Variants in TACR3 observed in about 807,000 individuals in gnomAD.
TACR3 encodes neuromedin-K receptor.
In TACR3, 34 loss-of-function variants were observed where a neutral mutation model predicts 35.0. That is an observed-to-expected ratio of 0.97 (90% CI 0.74 to 1.30). TACR3 has a LOEUF of 1.30. Ranked by LOEUF, TACR3 falls within the 50% of genes most tolerant of loss-of-function variation. The probability of loss-of-function intolerance (pLI) is 0.00; values close to 1 mark genes in which losing one functional copy is unlikely to be tolerated. For missense variants in TACR3, 558 were observed against 591.7 expected (o/e 0.94, Z 0.59); for synonymous variants, 233 against 221.1 (o/e 1.05, Z -0.48).
In TACR3 at chr4:103,656,260, G is replaced by A. The variant is rs1725731937; in HGVS notation, c.822C>T (p.Leu274=). ...TATCTCCTGGGATTTCTCCTCCCCAGAGAGTAATTCCAACAATGGTGTATG... is the reference window on the plus strand; with the variant it reads ...TATCTCCTGGGATTTCTCCTCCCCAAAGAGTAATTCCAACAATGGTGTATG... ...GITYTIVGIT[L]WGGEIPGDTC... Residue 274 remains leucine (L), a synonymous_variant, in exon 3 of 5, where the codon CTC becomes CTT. Transcript: ENST00000304883. The A allele has an allele frequency of 1.2e-6, 2 of 1,613,012 alleles. No homozygotes were observed. Among genetic ancestry groups the A allele is most frequent in the Admixed American group, 1.7e-5 (1 of 59,912 alleles).
At chr4:103,694,996 A>G (rs1340001453) in intron 1 of TACR3, among the ~76,000 whole-genome samples, 1 of 152,050 alleles carries the variant, frequency 6.6e-6, no homozygotes, top group East Asian at 1.9e-4. Context: ...TTCCTATCTC[A>G]TTGGACAATT....
chr4:103,703,584 G>A (rs1722714278), intron 1 of TACR3, among the ~76,000 whole-genome samples: 2 of 152,122 alleles, frequency 1.3e-5, no homozygotes, highest in African/African-American at 4.8e-5. Context: ...ATCTGACTGT[G>A]TCTAATGAAG....
chr4:103,596,899 G>C (rs1441572355), intron 3 of TACR3, among the ~76,000 whole-genome samples: 1 of 151,732 alleles, frequency 6.6e-6, no homozygotes, highest in Non-Finnish European at 1.5e-5. Flanking sequence ...ATGGTTTCCA[G>C]CTTCATCCAT....
At chr4:103,617,085 C>T (rs1724676280) in intron 3 of TACR3, among the ~76,000 whole-genome samples, 1 of 152,258 alleles carries the variant, frequency 6.6e-6, no homozygotes, top group African/African-American at 2.4e-5. Flanking sequence ...TCTTAATATG[C>T]TACTTCACAA....
intron 3 of TACR3, among the ~76,000 whole-genome samples, chr4:103,638,685 T>C (rs1321058567): frequency 6.6e-6 from 1 of 152,156 alleles, no homozygotes; most frequent in Non-Finnish European, 1.5e-5. Flanking sequence ...TTTTGCAACC[T>C]ACTTATCTGA....
chr4:103,719,538 G>C lies in TACR3; in HGVS notation c.138C>G (p.Asp46Glu). Reference protein sequence around the residue: ...AVETGWLQLLDQAGNLSSSPS... With the variant: ...AVETGWLQLLEQAGNLSSSPS... The stretch of plus-strand genomic sequence containing the variant: ...GGGAGGAGGAGAGGTTGCCAGCTTG[G>C]TCCAGCAGTTGCAGCCACCCAGTCT... Residue 46 changes from aspartate to glutamate, a missense_variant, in exon 1 of 5, where the codon GAC becomes GAG. By Grantham distance (45) the Asp-to-Glu change is conservative. Transcript: ENST00000304883. 1 of 1,608,350 alleles carries C rather than the reference G, an allele frequency of 6.2e-7. No individual in the cohort carries two copies. Among genetic ancestry groups the C allele is most frequent in the Non-Finnish European group, 8.5e-7 (1 of 1,175,712 alleles).
chr4:103,645,557 C>G (rs181433346), intron 3 of TACR3, among the ~76,000 whole-genome samples: 29 of 152,026 alleles, frequency 1.9e-4, no homozygotes, highest in Middle Eastern at 3.4e-3. Flanking sequence ...CTGATTTTAT[C>G]TTTAATGTAA....
At chr4:103,617,596 A>G (rs926683795) in intron 3 of TACR3, among the ~76,000 whole-genome samples, 3 of 152,150 alleles carry the variant, frequency 2.0e-5, no homozygotes, top group African/African-American at 4.8e-5. Flanking sequence ...CTTTTTAGCA[A>G]CTCATAAACA....
chr4:103,629,861 C>CAAAAAAAAAAA (rs373706568), intron 3 of TACR3, among the ~76,000 whole-genome samples: 1 of 98,520 alleles, frequency 1.0e-5, no homozygotes, highest in Non-Finnish European at 2.1e-5. Context: ...AAAAAAAAAA[C>CAAAAAAAAAAA]AAAAAAAAAA....
At chr4:103,596,478 G>T (rs1724018723) in intron 3 of TACR3, among the ~76,000 whole-genome samples, 1 of 151,860 alleles carries the variant, frequency 6.6e-6, no homozygotes, top group Non-Finnish European at 1.5e-5. Context: ...TTGTGGTTTT[G>T]GTTTGCATTT....
intron 1 of TACR3, among the ~76,000 whole-genome samples, chr4:103,686,406 A>T (rs150704292): frequency 4.1e-4 from 63 of 152,304 alleles, no homozygotes; most frequent in Non-Finnish European, 7.4e-4. Flanking sequence ...AACCTTTAGA[A>T]ACCAGTCTTA....
At chr4:103,592,555 T>C (rs570738772) in intron 3 of TACR3, among the ~76,000 whole-genome samples, 1 of 152,274 alleles carries the variant, frequency 6.6e-6, no homozygotes, top group African/African-American at 2.4e-5. Flanking sequence ...TAAATATATA[T>C]AGGATGAATG....
intron 3 of TACR3, among the ~76,000 whole-genome samples, chr4:103,618,642 G>T (rs1308621380): frequency 7.2e-6 from 1 of 139,384 alleles, no homozygotes; most frequent in Non-Finnish European, 1.5e-5. Flanking sequence ...GGAATGACAG[G>T]TAGTTTGATA....
intron 1 of TACR3, among the ~76,000 whole-genome samples, chr4:103,710,835 G>A (rs111616741): frequency 0.054 from 8,235 of 151,406 alleles, 608 homozygotes; most frequent in African/African-American, 0.16. Flanking sequence ...ACGGAAATAC[G>A]AACTACCATC....
At chr4:103,660,625 T>C (rs1014629105) in intron 1 of TACR3, among the ~76,000 whole-genome samples, 8 of 152,004 alleles carry the variant, frequency 5.3e-5, no homozygotes, top group Non-Finnish European at 1.0e-4. Flanking sequence ...TGTGGCGATA[T>C]CATGTTTTTC....
Position 103,587,236 on chromosome 4 carries a change from ATCTTC to A in TACR3, c.*2441_*2445del, listed in dbSNP as rs1212764280. The A allele has an allele frequency of 6.6e-6, 1 of 151,452 alleles. No homozygotes were observed. The highest frequency in any genetic ancestry group is 1.5e-5 in the Non-Finnish European group (1 of 67,986). 9.4% of individuals were successfully genotyped at this position (151,452 alleles called of 1,614,324 possible). A position where few individuals can be genotyped will look rare whatever the true frequency, so the allele number is the denominator to read the frequency against. On this transcript the variant is annotated 3_prime_UTR_variant, in exon 5 of 5. Transcript: ENST00000304883. ...CAAAATGCAGACAAAAGAGTGAAAA[ATCTTC>A]TCTTTTATATTTCACTCTTGTTTTA...
intron 1 of TACR3, among the ~76,000 whole-genome samples, chr4:103,710,419 ACTAAATGAAGTCAG>A (rs1296087877): frequency 6.6e-6 from 1 of 152,188 alleles, no homozygotes; most frequent in Non-Finnish European, 1.5e-5. Context: ...TGGGTAAATA[ACTAAATGAAGTCAG>A]AAATAAAGAT....
chr4:103,708,641 A>C (rs970217537), intron 1 of TACR3, among the ~76,000 whole-genome samples: 3 of 152,232 alleles, frequency 2.0e-5, no homozygotes, highest in Non-Finnish European at 4.4e-5. Context: ...TAGCAATGGA[A>C]CAAAGCTGGA....
intron 1 of TACR3, among the ~76,000 whole-genome samples, chr4:103,688,282 A>C (rs1326064814): frequency 6.6e-6 from 1 of 152,228 alleles, no homozygotes; most frequent in Non-Finnish European, 1.5e-5. Context: ...TTAGATCTAA[A>C]ACCATAAAAA....
Sources: allele counts gnomAD v4.1 joint callset (sites outside exome capture counted in the v4.1 genomes callset), GRCh38; gene constraint gnomAD v4.1.1; transcripts MANE v1.5; gene names NCBI Gene and HGNC (gene_info 2026-07-23, HGNC 2026-07-21).